The following PPIC variants were observed in gnomAD, a reference collection of about 807,000 sequenced individuals.
PPIC encodes the protein peptidyl-prolyl cis-trans isomerase C.
A neutral mutation model predicts 19.5 loss-of-function variants in PPIC; 19 were observed. That is an observed-to-expected ratio of 0.98 (90% CI 0.68 to 1.43). The LOEUF is 1.43. PPIC is among the 40% of genes most tolerant of loss of function. The pLI is 0.00. For missense variants in PPIC, 268 were observed against 268.6 expected (o/e 1.00, Z 0.02); for synonymous variants, 107 against 101.2 (o/e 1.06, Z -0.34).
At chr5:123,028,750 GA>G (rs1290759181) in intron 3 of PPIC, 24 bp downstream of exon 3, 3 of 1,580,874 alleles carry the variant, frequency 1.9e-6, no homozygotes, top group Admixed American at 3.4e-5. Context: ...TGGTAAATGG[GA>G]AAGGAAAAAT....
In PPIC at chr5:123,036,371, G is replaced by T; in HGVS notation, c.117+138C>A. ...CACGCGAGCAGCCCCCTCCCACCCAGTCCCGCGGCCGCCTCCAGTCCCCCT... is the reference window on the plus strand; with the variant it reads ...CACGCGAGCAGCCCCCTCCCACCCATTCCCGCGGCCGCCTCCAGTCCCCCT... On this transcript the variant is annotated intron_variant, in intron 1 of 4. Transcript: ENST00000306442. The surrounding 1 kb of genome is among the most constrained non-coding windows in gnomAD (Gnocchi z 4.5). 1 of 768,212 alleles carries T rather than the reference G, an allele frequency of 1.3e-6. No homozygotes were observed. Among genetic ancestry groups the T allele is most frequent in the Non-Finnish European group, 2.1e-6 (1 of 468,064 alleles). 47.6% of individuals were successfully genotyped at this position (768,212 alleles called of 1,614,324 possible).
chr5:123,023,763 A>AAAAAAAGTAT lies in PPIC; in HGVS notation c.*111_*112insATACTTTTTT. The AAAAAAAGTAT allele has an allele frequency of 7.1e-7, 1 of 1,415,728 alleles. No individual in the cohort carries two copies. Among genetic ancestry groups the AAAAAAAGTAT allele is most frequent in the Non-Finnish European group, 9.3e-7 (1 of 1,073,272 alleles). The allele number at this position is 1,415,728 out of a possible 1,614,324, so 87.7% of individuals were successfully genotyped here. A position where few individuals can be genotyped will look rare whatever the true frequency, so the allele number is the denominator to read the frequency against. ...TTCCTGTGATCTGGGATAGAATACA[A>AAAAAAAGTAT]AAAGAAAGTAAAAAAAAAAAAGCAA... On this transcript the variant is annotated 3_prime_UTR_variant, in exon 5 of 5. Transcript: ENST00000306442.
At chr5:123,029,476 G>A in intron 1 of PPIC, 58 bp from the exon 2 acceptor site, 2 of 1,470,854 alleles carry the variant, frequency 1.4e-6, no homozygotes, top group Non-Finnish European at 1.8e-6. Context: ...ACAAATACAA[G>A]GTAAGTCAAA....
At chr5:123,024,468 T>C (rs1460068542) in intron 4 of PPIC, among the ~76,000 whole-genome samples, 2 of 152,162 alleles carry the variant, frequency 1.3e-5, no homozygotes, top group Non-Finnish European at 2.9e-5. Flanking sequence ...TCTAGGTTTG[T>C]CCATTTTAAA....
chr5:123,028,546 C>T (rs1278666754), intron 3 of PPIC: 8 of 424,784 alleles, frequency 1.9e-5, no homozygotes, highest in Non-Finnish European at 2.9e-5. Flanking sequence ...ATCTCAATTA[C>T]GGAAAGACAA....
At chr5:123,025,763 G>C (rs750032268) in intron 4 of PPIC, 21 bp downstream of exon 4, 9 of 1,605,370 alleles carry the variant, frequency 5.6e-6, no homozygotes, top group Non-Finnish European at 8.5e-7. Flanking sequence ...GCTTTGAAAG[G>C]AAAAAAATGT....
At chr5:123,032,976 C>T (rs975592096) in intron 1 of PPIC, among the ~76,000 whole-genome samples, 1 of 152,090 alleles carries the variant, frequency 6.6e-6, no homozygotes, top group African/African-American at 2.4e-5. Context: ...ACTTACACAG[C>T]CTGACCCAAA....
In PPIC at chr5:123,028,850, C is replaced by A; in HGVS notation, c.250G>T (p.Gly84Ter). The A allele has an allele frequency of 6.2e-7, 1 of 1,611,246 alleles. No individual in the cohort carries two copies. Among genetic ancestry groups the A allele is most frequent in the Non-Finnish European group, 8.5e-7 (1 of 1,177,392 alleles). ...ATGEKGYGYK[G>*]SKFHRVIKDF... is the part of the protein sequence containing the mutation. ...TTGATGACACGATGAAACTTGCTTC[C>A]TTTATATCCATATCCTTTCTAAAGA... The change falls in exon 3 of 5, where the codon GGA becomes TGA. Residue 84 changes from glycine (G) to a stop codon, truncating the protein, a stop_gained. Coordinates refer to ENST00000306442, the MANE Select transcript of PPIC (RefSeq NM_000943.5). LOFTEE classifies it high-confidence loss of function.
intron 1 of PPIC, among the ~76,000 whole-genome samples, chr5:123,030,085 G>A (rs1034094916): frequency 2.6e-5 from 4 of 152,112 alleles, no homozygotes; most frequent in Non-Finnish European, 4.4e-5. Flanking sequence ...TGACAAAGCC[G>A]TCACCCTGTA....
At chr5:123,033,738 T>C (rs1762970158) in intron 1 of PPIC, among the ~76,000 whole-genome samples, 1 of 152,226 alleles carries the variant, frequency 6.6e-6, no homozygotes, top group South Asian at 2.1e-4. Flanking sequence ...AACTGAGCTG[T>C]GGACATTAGA....
rs953991548 is a variant in PPIC, at chr5:123,023,522, A to C, written c.*353T>G. 1 of 159,498 alleles carries C rather than the reference A, an allele frequency of 6.3e-6. No individual in the cohort carries two copies. Among genetic ancestry groups the C allele is most frequent in the Non-Finnish European group, 1.4e-5 (1 of 72,278 alleles). The allele number at this position is 159,498 out of a possible 1,614,324, so 9.9% of individuals were successfully genotyped here. ...TTGGATACAAAATAATAATATCCTC[A>C]TCTGTTTCAGATAAATGTTCAGCAT... On this transcript the variant is annotated 3_prime_UTR_variant, in exon 5 of 5. Transcript: ENST00000306442.
chr5:123,028,986 TTC>T, intron 2 of PPIC, 118 bp from the exon 3 acceptor site: 7 of 976,452 alleles, frequency 7.2e-6, no homozygotes, highest in Non-Finnish European at 1.1e-5. Flanking sequence ...CAGAACTTGA[TTC>T]TATCCCAGCT....
chr5:123,033,506 G>A (rs1016077952), intron 1 of PPIC, among the ~76,000 whole-genome samples: 4 of 152,194 alleles, frequency 2.6e-5, no homozygotes, highest in Admixed American at 2.0e-4. Context: ...TTCCGCCGCC[G>A]TGACTGGAAG....
intron 1 of PPIC, among the ~76,000 whole-genome samples, chr5:123,035,360 A>G (rs1762992046): frequency 6.6e-6 from 1 of 152,096 alleles, no homozygotes; most frequent in African/African-American, 2.4e-5. Context: ...TGCACAAACC[A>G]TTTCCCAAAG....
At position 123,036,569 on chromosome 5, in the gene PPIC, T is replaced by G; in HGVS notation, c.57A>C (p.Ala19=). ...CCTCGGCCCCCGAAGAAAACACAAG[T>G]GCGCCGAGCCCCACGCAAAGCACGA... ...LPLVLCVGLG[A]LVFSSGAEGF... The change falls in exon 1 of 5, where the codon GCA becomes GCC. Residue 19 remains alanine (A), a synonymous_variant. Transcript: ENST00000306442. The surrounding 1 kb of genome is among the most constrained non-coding windows in gnomAD (Gnocchi z 4.5). The G allele has an allele frequency of 1.2e-6, 2 of 1,601,566 alleles. No homozygotes were observed. Among genetic ancestry groups the G allele is most frequent in the Non-Finnish European group, 8.5e-7 (1 of 1,175,564 alleles).
intron 3 of PPIC, chr5:123,028,417 C>T (rs796108791): frequency 2.1e-4 from 39 of 182,964 alleles, no homozygotes; most frequent in African/African-American, 7.9e-4. Flanking sequence ...CTCTGCCGCA[C>T]GCTGCCATCC....
chr5:123,033,759 A>G (rs1762970268), intron 1 of PPIC, among the ~76,000 whole-genome samples: 1 of 152,240 alleles, frequency 6.6e-6, no homozygotes, highest in South Asian at 2.1e-4. Flanking sequence ...TAACTTGTCT[A>G]AGGCCATCTA....
At position 123,029,195 on chromosome 5, in the gene PPIC, G is replaced by GAAAA. The variant is rs1561750971; in HGVS notation, c.231+109_231+110insTTTT. 10 of 1,571,486 alleles carry GAAAA rather than the reference G, an allele frequency of 6.4e-6. No homozygotes were observed. In the Admixed American group the frequency reaches 1.8e-4, roughly 29 times the overall value. On this transcript the variant is annotated intron_variant, in intron 2 of 4. Transcript: ENST00000306442. ...TAATTGGAAAATAAAGTCAAATGTG[G>GAAAA]TAAGGTTCATCTGACATACTAATTT...
In PPIC at chr5:123,036,014, A is replaced by C. The variant is rs1317732657; in HGVS notation, c.117+495T>G. 6.6e-6 allele frequency among the ~76,000 whole-genome samples: 1 copy of C among 152,060 alleles called. No homozygotes were observed. Among genetic ancestry groups the C allele is most frequent in the Admixed American group, 6.5e-5 (1 of 15,286 alleles). On this transcript the variant is annotated intron_variant, in intron 1 of 4. Coordinates refer to ENST00000306442, the MANE Select transcript of PPIC (RefSeq NM_000943.5). This position sits in a 1 kb window ranked among gnomAD's most constrained non-coding sequence, Gnocchi z 4.5. ...TCTCTCATCTGAACCAGGCGCTTTA[A>C]TGCCTGCCTGAAGCCACCGCGGCCA...
Sources: gnomAD v4.1 joint callset for allele counts (sites outside exome capture counted in the v4.1 genomes callset) on GRCh38, gnomAD v4.1.1 for gene constraint, Gnocchi (gnomAD v3.1) non-coding constraint, MANE v1.5 for transcripts, NCBI Gene and HGNC (gene_info 2026-07-23, HGNC 2026-07-21) for gene names.